Variants in SHOC1 observed in about 807,000 individuals in gnomAD.
The protein encoded by SHOC1 is protein shortage in chiasmata 1 ortholog.
Under a neutral mutation model 179.2 loss-of-function variants are expected in SHOC1, and 136 were observed. That is an observed-to-expected ratio of 0.76 (90% CI 0.66 to 0.87). SHOC1 has a LOEUF of 0.87. Ranked by LOEUF, SHOC1 falls within the 40% of genes least tolerant of loss-of-function variation. The pLI is 0.00. For synonymous variants in SHOC1, 489 were observed against 586.6 expected (o/e 0.83, Z 2.41); for missense variants, 1,538 against 1,700.8 (o/e 0.90, Z 1.68).
intron 2 of SHOC1, among the ~76,000 whole-genome samples, chr9:111,789,134 G>A (rs1836363818): frequency 1.2e-5 from 1 of 84,176 alleles, no homozygotes; most frequent in Admixed American, 1.5e-4. Flanking sequence ...ATAATTTCTT[G>A]CATTATTCTC....
At chr9:111,781,271 CT>C in intron 3 of SHOC1, 1 of 412,098 alleles carries the variant, frequency 2.4e-6, no homozygotes. Flanking sequence ...CTCTCTTTTG[CT>C]TATACAGCAC....
chr9:111,779,381 C>T lies in SHOC1; in HGVS notation c.257+1549G>A, dbSNP rs186896493. The stretch of plus-strand genomic sequence containing the variant: ...CAGTCCAAAGGCCTACTTTGAGTAA[C>T]AAGATGCGAGATGATCTCTAAGATC... On this transcript the variant is annotated intron_variant, in intron 4 of 27. Transcript: ENST00000682961. Among the ~76,000 whole-genome samples the T allele has an allele frequency of 1.0e-3, 153 of 152,204 alleles. 2 individuals carry two copies. In the Middle Eastern group the frequency reaches 0.017, roughly 17 times the overall value.
chr9:111,738,264 A>T lies in SHOC1; in HGVS notation c.1417+16T>A. Reference sequence around the variant, plus strand: ...GAAAATGTTTACATAACTAATATTTACTGTGATGTACTTACATTCTAATTG... The same window carrying T: ...GAAAATGTTTACATAACTAATATTTTCTGTGATGTACTTACATTCTAATTG... On this transcript the variant is annotated intron_variant, in intron 12 of 27. Transcript: ENST00000682961. 1 of 1,590,252 alleles carries T rather than the reference A, an allele frequency of 6.3e-7. No homozygotes were observed.
intron 22 of SHOC1, among the ~76,000 whole-genome samples, chr9:111,702,974 G>A (rs1001546471): frequency 6.6e-6 from 1 of 152,260 alleles, no homozygotes; most frequent in Admixed American, 6.5e-5. Context: ...GCTGGGTGCA[G>A]TGGAGCGTGC....
At chr9:111,759,155 C>G in intron 5 of SHOC1, 1 of 1,604,198 alleles carries the variant, frequency 6.2e-7, no homozygotes, top group East Asian at 2.2e-5. Flanking sequence ...TATGGACTTA[C>G]ACTTCAAAAT....
At chr9:111,778,841 G>A (rs1473745661) in intron 4 of SHOC1, among the ~76,000 whole-genome samples, 1 of 148,922 alleles carries the variant, frequency 6.7e-6, no homozygotes, top group Non-Finnish European at 1.5e-5. Flanking sequence ...GCTCACACCT[G>A]TAATTCCAGC....
rs1832359118 is a variant in SHOC1 at position 111,708,013 on chromosome 9, T to TA, written c.2489-90dup. ...ATATTTCACTACCATAAAAATGAAT[T>TA]AAAAATCTGTGAATAACAAAACTGC... On this transcript the variant is annotated intron_variant, in intron 18 of 27. Coordinates refer to ENST00000682961, the MANE Select transcript of SHOC1 (RefSeq NM_001378211.1). The TA allele has an allele frequency of 5.9e-6, 4 of 681,232 alleles. No homozygotes were observed. The East Asian group carries it at 1.2e-4, about 20-fold the overall frequency. 42.2% of individuals were successfully genotyped at this position (681,232 alleles called of 1,614,324 possible).
intron 22 of SHOC1, among the ~76,000 whole-genome samples, chr9:111,702,505 G>C (rs1202581026): frequency 6.6e-6 from 1 of 152,188 alleles, no homozygotes; most frequent in Non-Finnish European, 1.5e-5. Context: ...CCCTAGTTTG[G>C]CACGCCATAG....
intron 24 of SHOC1, among the ~76,000 whole-genome samples, chr9:111,695,510 GA>G (rs985656510): frequency 4.1e-4 from 61 of 150,570 alleles, no homozygotes; most frequent in South Asian, 1.1e-3. Context: ...TTCCCATTTA[GA>G]AAAAAAAAGT....
intron 9 of SHOC1, among the ~76,000 whole-genome samples, chr9:111,747,393 CT>C (rs1409354017): frequency 6.6e-6 from 1 of 151,828 alleles, no homozygotes; most frequent in Non-Finnish European, 1.5e-5. Context: ...GATAACATTG[CT>C]TTGGGAGATT....
Position 111,700,033 on chromosome 9 carries a change from T to C in SHOC1, c.3104A>G (p.Glu1035Gly). 6.3e-7 allele frequency: 1 copy of C among 1,582,302 alleles called. No homozygotes were observed. The highest frequency in any genetic ancestry group is 8.7e-7 in the Non-Finnish European group (1 of 1,155,672). ...CAGTGCTAGGTGATGAAGTGTCTTT[T>C]CTGTAAGCAGATACCTACAAAGAAT... ...ETLNSEYLLT[E>G]KTLHHLALIY... Residue 1035 changes from glutamate (E) to glycine (G), a missense_variant, in exon 24 of 28, where the codon GAA becomes GGA. Glu to Gly is a moderately conservative substitution (Grantham distance 98). Transcript: ENST00000682961.
At chr9:111,691,203 C>T (rs903351786) in intron 27 of SHOC1, among the ~76,000 whole-genome samples, 3 of 152,042 alleles carry the variant, frequency 2.0e-5, no homozygotes, top group African/African-American at 7.2e-5. Flanking sequence ...TTTTAATAAA[C>T]GTTAGTCAGT....
At chr9:111,733,747 A>G (rs992106611) in intron 12 of SHOC1, among the ~76,000 whole-genome samples, 2 of 152,102 alleles carry the variant, frequency 1.3e-5, no homozygotes, top group African/African-American at 2.4e-5. Context: ...GCGTGGCTGT[A>G]GTCCCAGCTA....
intron 17 of SHOC1, among the ~76,000 whole-genome samples, chr9:111,713,468 T>C (rs1259953328): frequency 6.6e-6 from 1 of 152,204 alleles, no homozygotes; most frequent in African/African-American, 2.4e-5. Flanking sequence ...TAAATTCAAC[T>C]CACATGTTTA....
At chr9:111,751,579 G>A (rs10981049) in intron 8 of SHOC1, among the ~76,000 whole-genome samples, 8,414 of 152,120 alleles carry the variant, frequency 0.055, 563 homozygotes, top group African/African-American at 0.16. Context: ...AAGGAATTTA[G>A]CATATTTTTT....
chr9:111,694,105 T>A, intron 25 of SHOC1, 126 bp downstream of exon 25: 2 of 1,146,172 alleles, frequency 1.7e-6, no homozygotes, highest in Non-Finnish European at 2.5e-6. Context: ...AGATTAAAAC[T>A]TTTGTTATTG....
At chr9:111,747,235 T>C (rs955915910) in intron 9 of SHOC1, among the ~76,000 whole-genome samples, 3 of 152,106 alleles carry the variant, frequency 2.0e-5, no homozygotes, top group Non-Finnish European at 2.9e-5. Flanking sequence ...AAATAGATAA[T>C]TCAGAAGATC....
In SHOC1 at chr9:111,705,238, A is replaced by G. The variant is rs375236920; in HGVS notation, c.2855+9T>C. On this transcript the variant is annotated intron_variant, in intron 21 of 27. Transcript: ENST00000682961. ...CACTTTTGTTAAAATTGTGAAATCA[A>G]TAACTTACTTGGATTCTAGCAGCTG... 17 of 1,408,698 alleles carry G rather than the reference A, an allele frequency of 1.2e-5. No individual in the cohort carries two copies. The highest frequency in any genetic ancestry group is 4.2e-5 in the Admixed American group (2 of 48,122). The allele number at this position is 1,408,698 out of a possible 1,614,324, so 87.3% of individuals were successfully genotyped here.
intron 3 of SHOC1, among the ~76,000 whole-genome samples, chr9:111,782,039 G>T (rs1836082498): frequency 6.6e-6 from 1 of 152,076 alleles, no homozygotes; most frequent in Non-Finnish European, 1.5e-5. Flanking sequence ...GTGAAACCCT[G>T]TCTGTACTAA....
Sources: allele counts gnomAD v4.1 joint callset (sites outside exome capture counted in the v4.1 genomes callset), GRCh38; gene constraint gnomAD v4.1.1; transcripts MANE v1.5; gene names NCBI Gene and HGNC (gene_info 2026-07-23, HGNC 2026-07-21).